The following FAR2 variants were observed in gnomAD, a reference collection of about 807,000 sequenced individuals.
The protein encoded by FAR2 is fatty acyl-CoA reductase 2.
Under a neutral mutation model 56.0 loss-of-function variants are expected in FAR2, and 19 were observed. The observed-to-expected ratio is 0.34, with a 90% confidence interval of 0.24 to 0.50. The LOEUF (loss-of-function observed/expected upper bound fraction) is 0.50. Ranked by LOEUF, FAR2 falls within the 20% of genes least tolerant of loss-of-function variation. FAR2 has a pLI of 0.98. For missense variants in FAR2, 508 were observed against 642.2 expected, an observed-to-expected ratio of 0.79 and a Z score of 2.26; for synonymous variants, 219 against 218.8, an observed-to-expected ratio of 1.00 and a Z score of -0.01.
intron 1 of FAR2, among the ~76,000 whole-genome samples, chr12:29,150,588 G>C (rs377743803): frequency 6.6e-6 from 1 of 152,186 alleles, no homozygotes; most frequent in African/African-American, 2.4e-5. Flanking sequence ...ATTTAGAAAG[G>C]GGGGCAAGGG....
chr12:29,264,769 C>G (rs1035704930), intron 1 of FAR2, among the ~76,000 whole-genome samples: 8 of 151,640 alleles, frequency 5.3e-5, no homozygotes, highest in Non-Finnish European at 1.2e-4. Flanking sequence ...GATCTTATAT[C>G]TTGAAAAGCT....
At chr12:29,149,904 G>C (rs1465940667) in intron 1 of FAR2, among the ~76,000 whole-genome samples, 1 of 152,134 alleles carries the variant, frequency 6.6e-6, no homozygotes, top group East Asian at 1.9e-4. Flanking sequence ...CCGCCAGGGC[G>C]CCCAGTCCTG....
chr12:29,175,373 G>T (rs1195286377), intron 1 of FAR2, among the ~76,000 whole-genome samples: 1 of 152,178 alleles, frequency 6.6e-6, no homozygotes, highest in Non-Finnish European at 1.5e-5. Context: ...CTTCTGCTGG[G>T]TTCATGGTCT....
intron 1 of FAR2, among the ~76,000 whole-genome samples, chr12:29,231,584 G>A (rs370495127): frequency 1.6e-4 from 25 of 152,212 alleles, no homozygotes; most frequent in East Asian, 5.8e-4. Flanking sequence ...AGAAAAAATA[G>A]TTTTTAGAAG....
chr12:29,272,094 A>T (rs1948628236), intron 2 of FAR2, among the ~76,000 whole-genome samples: 1 of 152,174 alleles, frequency 6.6e-6, no homozygotes, highest in Non-Finnish European at 1.5e-5. Context: ...TCTACCCCTA[A>T]TGCACTTTGT....
intron 1 of FAR2, among the ~76,000 whole-genome samples, chr12:29,211,222 C>A (rs527810896): frequency 6.6e-6 from 1 of 151,958 alleles, no homozygotes; most frequent in African/African-American, 2.4e-5. Flanking sequence ...ACCTGGGAAG[C>A]GGAGGTTGTA....
chr12:29,259,031 TAGG>T (rs374279211), intron 1 of FAR2, among the ~76,000 whole-genome samples: 1 of 152,320 alleles, frequency 6.6e-6, no homozygotes, highest in African/African-American at 2.4e-5. Flanking sequence ...TAGAGATTGG[TAGG>T]AGGTCATGTT....
At chr12:29,234,943 C>G (rs1213654023) in intron 1 of FAR2, among the ~76,000 whole-genome samples, 1 of 152,154 alleles carries the variant, frequency 6.6e-6, no homozygotes, top group Non-Finnish European at 1.5e-5. Flanking sequence ...ACGCATATAT[C>G]ACATTTTATT....
intron 1 of FAR2, among the ~76,000 whole-genome samples, chr12:29,229,454 A>G (rs897448462): frequency 1.3e-5 from 2 of 152,216 alleles, no homozygotes; most frequent in African/African-American, 2.4e-5. Context: ...TTGGTTGGCG[A>G]AATAAAGGTG....
At chr12:29,246,364 T>C (rs1948128221) in intron 1 of FAR2, among the ~76,000 whole-genome samples, 1 of 152,210 alleles carries the variant, frequency 6.6e-6, no homozygotes, top group Non-Finnish European at 1.5e-5. Context: ...TCTCAACATT[T>C]CACCTCTTCT....
intron 5 of FAR2, among the ~76,000 whole-genome samples, chr12:29,308,740 A>ATG (rs1949299100): frequency 6.7e-6 from 1 of 150,336 alleles, no homozygotes. Flanking sequence ...ATATGTATAT[A>ATG]TATCTGGCAT....
chr12:29,192,288 A>G (rs1056574749), intron 1 of FAR2, among the ~76,000 whole-genome samples: 8 of 152,250 alleles, frequency 5.3e-5, no homozygotes, highest in African/African-American at 1.7e-4. Context: ...TGCACATTTT[A>G]TGATTTTGCA....
At chr12:29,157,129 T>TATA (rs1446382366) in intron 1 of FAR2, 1 of 140,272 alleles carries the variant, frequency 7.1e-6, no homozygotes, top group African/African-American at 2.6e-5. Flanking sequence ...TATATATATA[T>TATA]ATATATATAT....
At chr12:29,242,644 T>C (rs1044349005) in intron 1 of FAR2, among the ~76,000 whole-genome samples, 4 of 152,260 alleles carry the variant, frequency 2.6e-5, no homozygotes, top group African/African-American at 9.6e-5. Context: ...CCAGTGTATC[T>C]GAATTGCATT....
intron 1 of FAR2, among the ~76,000 whole-genome samples, chr12:29,187,749 A>G (rs1248790608): frequency 6.6e-6 from 1 of 152,168 alleles, no homozygotes; most frequent in East Asian, 1.9e-4. Context: ...TTTTGTCTAT[A>G]CTTTCTGGCT....
chr12:29,258,795 A>G (rs994632275), intron 1 of FAR2, among the ~76,000 whole-genome samples: 1 of 152,220 alleles, frequency 6.6e-6, no homozygotes, highest in South Asian at 2.1e-4. Context: ...GAATTTGTCC[A>G]TAATAGATTT....
At chr12:29,166,025 C>T (rs944857040) in intron 1 of FAR2, among the ~76,000 whole-genome samples, 26 of 152,232 alleles carry the variant, frequency 1.7e-4, no homozygotes, top group African/African-American at 4.6e-4. Context: ...TCACTAACAG[C>T]GGCCTTAGCC....
intron 1 of FAR2, among the ~76,000 whole-genome samples, chr12:29,234,582 A>G (rs1947908818): frequency 6.6e-6 from 1 of 152,180 alleles, no homozygotes; most frequent in African/African-American, 2.4e-5. Context: ...TTCACTCTCC[A>G]CACTGCAACT....
intron 1 of FAR2, among the ~76,000 whole-genome samples, chr12:29,231,616 G>T (rs562075622): frequency 6.6e-6 from 1 of 152,312 alleles, no homozygotes; most frequent in African/African-American, 2.4e-5. Context: ...ACATGCAAGA[G>T]GGAAAGGATA....
Sources: gnomAD v4.1 joint callset for allele counts (sites outside exome capture counted in the v4.1 genomes callset) on GRCh38, gnomAD v4.1.1 for gene constraint, MANE v1.5 for transcripts, NCBI Gene and HGNC (gene_info 2026-07-23, HGNC 2026-07-21) for gene names.